RBBP5: variants seen among roughly 807,000 people sequenced by gnomAD.
RBBP5 encodes retinoblastoma-binding protein 5.
Under a neutral mutation model 72.2 loss-of-function variants are expected in RBBP5, and 5 were observed. The observed-to-expected ratio is 0.07, with a 90% CI of 0.04 to 0.15. The LOEUF (loss-of-function observed/expected upper bound fraction) is 0.15. RBBP5 is among the 10% of genes least tolerant of loss of function. The probability of loss-of-function intolerance (pLI) is 1.00; values close to 1 mark genes in which losing one functional copy is unlikely to be tolerated. For synonymous variants in RBBP5, 209 were observed against 237.2 expected (o/e 0.88, Z 1.09); for missense variants, 322 against 652.2 (o/e 0.49, Z 5.51).
At chr1:205,093,554 A>ACACACACACACACACG (rs1655489397) in intron 13 of RBBP5, among the ~76,000 whole-genome samples, 1 of 123,396 alleles carries the variant, frequency 8.1e-6, no homozygotes, top group African/African-American at 3.1e-5. Context: ...ACACACACAC[A>ACACACACACACACACG]CACACACACA....
intron 5 of RBBP5, 145 bp downstream of exon 5, chr1:205,103,712 A>G: frequency 1.1e-6 from 1 of 939,616 alleles, no homozygotes. Context: ...TATTATTAAG[A>G]GATGGAAGAA....
chr1:205,095,196 T>C (rs1655562739), intron 12 of RBBP5, 132 bp from the exon 13 acceptor site: 4 of 891,614 alleles, frequency 4.5e-6, no homozygotes, highest in Non-Finnish European at 6.7e-6. Flanking sequence ...AAAGTTTGTC[T>C]TATTTCTATA....
At chr1:205,093,664 A>G (rs1047729363) in intron 13 of RBBP5, among the ~76,000 whole-genome samples, 1 of 150,726 alleles carries the variant, frequency 6.6e-6, no homozygotes, top group African/African-American at 2.4e-5. Context: ...TGTCGGGAAA[A>G]AAATATTGGT....
rs570381758 is a variant in RBBP5 at position 205,121,949 on chromosome 1, C to T, written c.-76G>A. 3 of 1,598,068 alleles carry T rather than the reference C, an allele frequency of 1.9e-6. No homozygotes were observed. The stretch of plus-strand genomic sequence containing the variant: ...CCCGGCCGGCTTCAGCAACTTGCGT[C>T]TAAGTGGTGGACGCCGCGAAGAGAC... On this transcript the variant is annotated 5_prime_UTR_variant, in exon 1 of 14. Coordinates refer to ENST00000264515, the MANE Select transcript of RBBP5 (RefSeq NM_005057.4).
intron 1 of RBBP5, 114 bp from the exon 2 acceptor site, chr1:205,115,997 CTT>C (rs1385213487): frequency 6.2e-7 from 1 of 1,606,318 alleles, no homozygotes; most frequent in East Asian, 2.2e-5. Flanking sequence ...ATATGATGCC[CTT>C]TCAGGCATTC....
chr1:205,116,353 G>C (rs968516491), intron 1 of RBBP5: 1 of 366,224 alleles, frequency 2.7e-6, no homozygotes, highest in African/African-American at 2.1e-5. Flanking sequence ...AACACTGGTA[G>C]GTAGATATCA....
At chr1:205,112,801 CAATT>C (rs1656368701) in intron 3 of RBBP5, among the ~76,000 whole-genome samples, 1 of 152,098 alleles carries the variant, frequency 6.6e-6, no homozygotes, top group Admixed American at 6.6e-5. Flanking sequence ...GAATATAGCA[CAATT>C]ACAAACTATG....
At chr1:205,120,078 C>T (rs1468797068) in intron 1 of RBBP5, among the ~76,000 whole-genome samples, 1 of 152,150 alleles carries the variant, frequency 6.6e-6, no homozygotes, top group Non-Finnish European at 1.5e-5. Flanking sequence ...TTTTTCACGT[C>T]ACTCTCTTAC....
chr1:205,099,406 A>G lies in RBBP5; in HGVS notation c.979-300T>C, dbSNP rs531564714. Among the ~76,000 whole-genome samples, 82 of 152,332 alleles carry G rather than the reference A, an allele frequency of 5.4e-4. No homozygotes were observed. The highest frequency in any genetic ancestry group is 1.9e-3 in the African/African-American group (79 of 41,586). ...TGTAAGTACACTGATTACAAACATA[A>G]TTTAAAGGTGTTCAAAGTAAAATTA... On this transcript the variant is annotated intron_variant, in intron 9 of 13. Coordinates refer to ENST00000264515, the MANE Select transcript of RBBP5 (RefSeq NM_005057.4). This position sits in a 1 kb window ranked among gnomAD's most constrained non-coding sequence, Gnocchi z 4.7.
At chr1:205,114,680 G>A (rs944623881) in intron 3 of RBBP5, 109 bp downstream of exon 3, 3 of 1,064,154 alleles carry the variant, frequency 2.8e-6, no homozygotes, top group Middle Eastern at 3.2e-4. Flanking sequence ...TATTACTAAT[G>A]GCTGAATATT....
At chr1:205,094,713 T>C (rs530363949) in intron 13 of RBBP5, among the ~76,000 whole-genome samples, 160 bp downstream of exon 13, 2 of 152,298 alleles carry the variant, frequency 1.3e-5, no homozygotes, top group South Asian at 2.1e-4. Flanking sequence ...CCAAATCTGG[T>C]TTAGCCTGCC....
At chr1:205,093,010 A>G (rs1387450123) in intron 13 of RBBP5, among the ~76,000 whole-genome samples, 2 of 152,186 alleles carry the variant, frequency 1.3e-5, no homozygotes, top group East Asian at 3.9e-4. Flanking sequence ...TTAGCTCTCC[A>G]GGCCAGGGAA....
chr1:205,100,705 T>C (rs1390039864), intron 6 of RBBP5, among the ~76,000 whole-genome samples: 2 of 152,232 alleles, frequency 1.3e-5, no homozygotes, highest in Non-Finnish European at 2.9e-5. Flanking sequence ...ATATTAGTTA[T>C]TTCATCACTT....
In RBBP5 at chr1:205,087,337, C is replaced by G. The variant is rs1483807721; in HGVS notation, c.*1450G>C. 1.3e-5 allele frequency: 2 copies of G among 151,900 alleles called. No individual in the cohort carries two copies. The allele number at this position is 151,900 out of a possible 1,614,324, so 9.4% of individuals were successfully genotyped here. Reference sequence around the variant, plus strand: ...TCAGCCTCCAGTGTAGCTGGGATTACAGGCATGTACTACCACGCCCAGCTA... The same window carrying G: ...TCAGCCTCCAGTGTAGCTGGGATTAGAGGCATGTACTACCACGCCCAGCTA... On this transcript the variant is annotated 3_prime_UTR_variant, in exon 14 of 14. Coordinates refer to ENST00000264515, the MANE Select transcript of RBBP5 (RefSeq NM_005057.4).
intron 1 of RBBP5, among the ~76,000 whole-genome samples, chr1:205,117,306 A>G (rs1656564838): frequency 6.6e-6 from 1 of 151,886 alleles, no homozygotes; most frequent in African/African-American, 2.4e-5. Flanking sequence ...CACCTGCCTC[A>G]GCTTCCCAAA....
At chr1:205,116,044 G>T in intron 1 of RBBP5, 161 bp from the exon 2 acceptor site, 1 of 1,450,734 alleles carries the variant, frequency 6.9e-7, no homozygotes, top group Non-Finnish European at 9.5e-7. Flanking sequence ...ATCCTGCTAA[G>T]ATGACTTGTT....
chr1:205,108,656 G>A (rs945954939), intron 3 of RBBP5, among the ~76,000 whole-genome samples: 3 of 152,182 alleles, frequency 2.0e-5, no homozygotes, highest in Admixed American at 6.5e-5. Context: ...CTTTACCCAG[G>A]TTTTGAAATC....
chr1:205,120,136 C>T (rs1019779886), intron 1 of RBBP5, among the ~76,000 whole-genome samples: 2 of 152,122 alleles, frequency 1.3e-5, no homozygotes, highest in Non-Finnish European at 2.9e-5. Context: ...ATCCCTACCT[C>T]CTCAATGTCT....
chr1:205,088,821 G>C lies in RBBP5; in HGVS notation c.1589-6C>G. ...TTCTGAGATTGCTCCTCCTGCTAAAGAGATTAGACACAAAAAGATTTCTTT... is the reference window on the plus strand; with the variant it reads ...TTCTGAGATTGCTCCTCCTGCTAAACAGATTAGACACAAAAAGATTTCTTT... On this transcript the variant is annotated splice_region_variant and splice_polypyrimidine_tract_variant and intron_variant, in intron 13 of 13. Coordinates refer to ENST00000264515, the MANE Select transcript of RBBP5 (RefSeq NM_005057.4). 3 of 1,573,776 alleles carry C rather than the reference G, an allele frequency of 1.9e-6. No homozygotes were observed. Among genetic ancestry groups the C allele is most frequent in the Non-Finnish European group, 2.6e-6 (3 of 1,161,546 alleles).
Sources: gnomAD v4.1 joint callset for allele counts (sites outside exome capture counted in the v4.1 genomes callset) on GRCh38, gnomAD v4.1.1 for gene constraint, Gnocchi (gnomAD v3.1) non-coding constraint, MANE v1.5 for transcripts, NCBI Gene and HGNC (gene_info 2026-07-23, HGNC 2026-07-21) for gene names.